SHISA9: variants seen among roughly 807,000 people sequenced by gnomAD.
SHISA9 encodes shisa family member 9.
SHISA9 carries 13 observed loss-of-function variants against 38.0 expected under a neutral mutation model. The ratio of observed to expected loss-of-function variants is 0.34; its 90% CI spans 0.22 to 0.54. The LOEUF (loss-of-function observed/expected upper bound fraction) is 0.54. Among genes scored for constraint, SHISA9 ranks in the 20% least tolerant of loss-of-function variants. The pLI is 0.91. For missense variants in SHISA9, 538 were observed against 575.8 expected, an observed-to-expected ratio of 0.93 and a Z score of 0.67; for synonymous variants, 275 against 242.0, an observed-to-expected ratio of 1.14 and a Z score of -1.27.
At chr16:13,020,750 C>A (rs553019919) in intron 2 of SHISA9, among the ~76,000 whole-genome samples, 1 of 152,150 alleles carries the variant, frequency 6.6e-6, no homozygotes, top group African/African-American at 2.4e-5. Context: ...TATTAGGATC[C>A]AAACATACTA....
chr16:13,491,817 C>CTTTT, the SHISA9 span, among the ~76,000 whole-genome samples: 21 of 46,922 alleles, frequency 4.5e-4, no homozygotes, highest in African/African-American at 1.2e-3. Context: ...TATTTATTGA[C>CTTTT]CTTTTTTTTT....
chr16:13,232,071 T>C (rs1393934993), intron 4 of SHISA9, among the ~76,000 whole-genome samples: 6 of 152,128 alleles, frequency 3.9e-5, no homozygotes, highest in Admixed American at 3.9e-4. Context: ...TGAAGGAGAA[T>C]CAGAAACAGA....
chr16:13,100,873 A>G (rs1323930589), intron 2 of SHISA9, among the ~76,000 whole-genome samples: 2 of 151,948 alleles, frequency 1.3e-5, no homozygotes, highest in Non-Finnish European at 2.9e-5. Context: ...ACGCCTGGCT[A>G]ATTTTGTATT....
intron 2 of SHISA9, among the ~76,000 whole-genome samples, chr16:13,132,980 G>T (rs964266628): frequency 1.3e-5 from 2 of 152,172 alleles, no homozygotes; most frequent in African/African-American, 4.8e-5. Flanking sequence ...AGTCACCCAG[G>T]TCTGATCATG....
chr16:12,960,725 T>C (rs1025592310), intron 2 of SHISA9, among the ~76,000 whole-genome samples: 1 of 152,104 alleles, frequency 6.6e-6, no homozygotes, highest in African/African-American at 2.4e-5. Flanking sequence ...CCATTCTAAT[T>C]TCCTTTTCAT....
intron 2 of SHISA9, among the ~76,000 whole-genome samples, chr16:13,031,426 G>A (rs555600621): frequency 6.6e-6 from 1 of 152,306 alleles, no homozygotes; most frequent in African/African-American, 2.4e-5. Context: ...GGATGCCTGA[G>A]GTAGAGTGGC....
Position 13,186,243 on chromosome 16 carries a change from G to A in SHISA9, c.692-17151G>A, listed in dbSNP as rs188698772. Among the ~76,000 whole-genome samples, 4 of 147,372 alleles carry A rather than the reference G, an allele frequency of 2.7e-5. No individual in the cohort carries two copies. In the Admixed American group the frequency reaches 2.7e-4, roughly 10 times the overall value. ...GTTGTGTGTGTGTGTGTGTGTATGT[G>A]TGAAATTGTGGGGAAAAAAATAACA... On this transcript the variant is annotated intron_variant, in intron 2 of 4. Transcript: ENST00000558583.
chr16:13,535,218 C>T, the SHISA9 span, among the ~76,000 whole-genome samples: 1 of 152,250 alleles, frequency 6.6e-6, no homozygotes, highest in African/African-American at 2.4e-5. Context: ...TGCACTCCAG[C>T]CTGGGTAACA....
chr16:13,118,180 TAAA>T (rs543126630), intron 2 of SHISA9, among the ~76,000 whole-genome samples: 39 of 84,020 alleles, frequency 4.6e-4, no homozygotes, highest in African/African-American at 9.7e-4. Context: ...AGACTTCGTC[TAAA>T]AAAAAAAAAA....
chr16:13,380,071 C>G, the SHISA9 span, among the ~76,000 whole-genome samples: 2 of 150,732 alleles, frequency 1.3e-5, no homozygotes, highest in African/African-American at 2.4e-5. Context: ...GAAGTAGAAC[C>G]GAAAGACGAA....
chr16:13,470,390 G>A, the SHISA9 span, among the ~76,000 whole-genome samples: 1 of 152,186 alleles, frequency 6.6e-6, no homozygotes, highest in Non-Finnish European at 1.5e-5. Context: ...ACATACCCGA[G>A]ACTGGGTAGT....
chr16:13,313,156 G>C, the SHISA9 span, among the ~76,000 whole-genome samples: 1 of 149,354 alleles, frequency 6.7e-6, no homozygotes, highest in Admixed American at 6.6e-5. Flanking sequence ...TTGGGAGGCT[G>C]AGGCAGGAGA....
the SHISA9 span, among the ~76,000 whole-genome samples, chr16:13,376,546 G>A: frequency 7.4e-4 from 113 of 152,296 alleles, 1 homozygote; most frequent in Non-Finnish European, 1.1e-3. Context: ...CCAAGAGAAA[G>A]TAAAGTTGCA....
At position 13,202,186 on chromosome 16, in the gene SHISA9, C is replaced by G. The variant is rs1437191274; in HGVS notation, c.692-1208C>G. 1.6e-5 allele frequency among the ~76,000 whole-genome samples: 2 copies of G among 127,082 alleles called. 1 individual carries two copies. The highest frequency in any genetic ancestry group is 6.4e-5 in the African/African-American group (2 of 31,450). 83.4% of individuals were successfully genotyped at this position (127,082 alleles called of 152,430 possible). Reference sequence around the variant, plus strand: ...CCACCCTCTCCAACCCCACCTCATTCCAGTTTCCTTACACTGTATTCTCTA... The same window carrying G: ...CCACCCTCTCCAACCCCACCTCATTGCAGTTTCCTTACACTGTATTCTCTA... On this transcript the variant is annotated intron_variant, in intron 2 of 4. Transcript: ENST00000558583.
chr16:12,913,323 A>G (rs574595554), intron 1 of SHISA9, among the ~76,000 whole-genome samples: 1 of 152,014 alleles, frequency 6.6e-6, no homozygotes, highest in Non-Finnish European at 1.5e-5. Context: ...CAGCCTCCTG[A>G]GTAGCCGGGA....
At chr16:13,527,571 T>A in the SHISA9 span, among the ~76,000 whole-genome samples, 1 of 152,196 alleles carries the variant, frequency 6.6e-6, no homozygotes, top group Admixed American at 6.5e-5. Context: ...TTTTCTTGTA[T>A]GTGTAGGTAG....
chr16:13,048,790 C>T (rs1381842737), intron 2 of SHISA9, among the ~76,000 whole-genome samples: 1 of 152,120 alleles, frequency 6.6e-6, no homozygotes. Context: ...TGTTCTAAGA[C>T]AAGCTTTGGA....
intron 2 of SHISA9, among the ~76,000 whole-genome samples, chr16:13,126,550 T>A (rs1475543808): frequency 8.0e-5 from 8 of 100,378 alleles, no homozygotes; most frequent in Admixed American, 2.6e-4. Flanking sequence ...AGAAAGAGAC[T>A]GAGGGAGGGA....
At chr16:13,202,827 T>G (rs189297122) in intron 2 of SHISA9, among the ~76,000 whole-genome samples, 1 of 152,326 alleles carries the variant, frequency 6.6e-6, no homozygotes, top group East Asian at 1.9e-4. Context: ...TTCTGTAGGC[T>G]CAGTTGCTAA....
Sources: allele counts gnomAD v4.1 joint callset (sites outside exome capture counted in the v4.1 genomes callset), GRCh38; gene constraint gnomAD v4.1.1; transcripts MANE v1.5; gene names NCBI Gene and HGNC (gene_info 2026-07-23, HGNC 2026-07-21).